STXBP5L: variants seen among roughly 807,000 people sequenced by gnomAD.
STXBP5L encodes the protein syntaxin-binding protein 5-like.
In STXBP5L, 65 loss-of-function variants were observed where a neutral mutation model predicts 144.5. The ratio of observed to expected loss-of-function variants is 0.45; its 90% CI spans 0.37 to 0.55. STXBP5L has a LOEUF of 0.55. Ranked by LOEUF, STXBP5L falls within the 20% of genes least tolerant of loss-of-function variation. The pLI is 0.00. For missense variants in STXBP5L, 1,298 were observed against 1,405.5 expected (o/e 0.92, Z 1.22); for synonymous variants, 505 against 469.6 (o/e 1.08, Z -0.97).
At chr3:120,990,382 C>T (rs1462855650) in intron 3 of STXBP5L, among the ~76,000 whole-genome samples, 5 of 152,054 alleles carry the variant, frequency 3.3e-5, no homozygotes, top group Non-Finnish European at 7.4e-5. Flanking sequence ...GCCATACTGC[C>T]CAAGGTAATT....
chr3:121,283,598 C>T (rs1218896953), intron 19 of STXBP5L, among the ~76,000 whole-genome samples: 2 of 151,950 alleles, frequency 1.3e-5, no homozygotes, highest in Non-Finnish European at 2.9e-5. Context: ...AACATAGTCC[C>T]AATCATTCAT....
chr3:121,284,385 T>C (rs957471974), intron 19 of STXBP5L, among the ~76,000 whole-genome samples: 2 of 152,074 alleles, frequency 1.3e-5, no homozygotes, highest in African/African-American at 4.8e-5. Flanking sequence ...ATCAGAGCCC[T>C]GTTGTGCCAA....
intron 10 of STXBP5L, among the ~76,000 whole-genome samples, chr3:121,219,374 A>G (rs2048905250): frequency 6.6e-6 from 1 of 152,138 alleles, no homozygotes; most frequent in African/African-American, 2.4e-5. Flanking sequence ...GAAGAGCTCT[A>G]CCATATAAGC....
chr3:120,995,464 GTTC>G (rs1559971247), intron 3 of STXBP5L, among the ~76,000 whole-genome samples: 2 of 151,968 alleles, frequency 1.3e-5, no homozygotes, highest in Admixed American at 1.3e-4. Context: ...TGTTTTTCTT[GTTC>G]TTCTGTTTCT....
At chr3:121,122,451 G>T (rs2044510117) in intron 7 of STXBP5L, among the ~76,000 whole-genome samples, 1 of 151,080 alleles carries the variant, frequency 6.6e-6, no homozygotes, top group African/African-American at 2.4e-5. Context: ...AATTTATTAA[G>T]AAAAGAAAAT....
chr3:121,108,914 G>A (rs1168760161), intron 5 of STXBP5L, among the ~76,000 whole-genome samples: 2 of 152,020 alleles, frequency 1.3e-5, no homozygotes, highest in African/African-American at 4.8e-5. Flanking sequence ...CTATTCAGGG[G>A]TTTAACTTCT....
intron 22 of STXBP5L, among the ~76,000 whole-genome samples, chr3:121,400,914 C>T (rs1050685020): frequency 1.2e-4 from 19 of 152,106 alleles, no homozygotes; most frequent in African/African-American, 4.1e-4. Flanking sequence ...AGTTAACTTT[C>T]CTTTACATAG....
chr3:120,977,374 CT>C (rs1376734025), intron 3 of STXBP5L, among the ~76,000 whole-genome samples: 1 of 151,948 alleles, frequency 6.6e-6, no homozygotes, highest in African/African-American at 2.4e-5. Context: ...CAACCCCTGC[CT>C]TTTTTTGTTT....
At chr3:121,142,720 T>C (rs544196255) in intron 7 of STXBP5L, among the ~76,000 whole-genome samples, 65 of 151,950 alleles carry the variant, frequency 4.3e-4, no homozygotes, top group Admixed American at 1.4e-3. Flanking sequence ...AAACACACTC[T>C]ACCAAAAATT....
intron 9 of STXBP5L, among the ~76,000 whole-genome samples, chr3:121,163,896 T>G (rs1341678699): frequency 6.6e-6 from 1 of 152,184 alleles, no homozygotes; most frequent in Non-Finnish European, 1.5e-5. Context: ...TGTTCTAAAT[T>G]TTCTGCTATA....
At chr3:121,059,489 G>GT (rs1031204639) in intron 5 of STXBP5L, among the ~76,000 whole-genome samples, 27 of 151,924 alleles carry the variant, frequency 1.8e-4, no homozygotes, top group African/African-American at 5.3e-4. Flanking sequence ...ATTTAAAGTA[G>GT]TTTTTTTTCT....
Position 121,424,129 on chromosome 3 carries a change from ATTC to A in STXBP5L, c.*5040_*5042del. The A allele has an allele frequency of 6.6e-6, 1 of 152,312 alleles. No individual in the cohort carries two copies. The highest frequency in any genetic ancestry group is 2.1e-4 in the South Asian group (1 of 4,828). The allele number at this position is 152,312 out of a possible 1,614,324, so 9.4% of individuals were successfully genotyped here. ...TAAATTAGGTCCAAATTTATTATTC[ATTC>A]TTCTTCTGGAGGAGACATGGGTACC... On this transcript the variant is annotated 3_prime_UTR_variant, in exon 27 of 27. Transcript: ENST00000471454.
intron 20 of STXBP5L, chr3:121,324,656 CT>C (rs1369396920): frequency 3.3e-6 from 2 of 613,518 alleles, no homozygotes; most frequent in African/African-American, 3.7e-5. Flanking sequence ...GGCTTCACAA[CT>C]TGTCTCAAAA....
At chr3:121,149,177 A>G (rs1301537454) in intron 7 of STXBP5L, among the ~76,000 whole-genome samples, 1 of 152,040 alleles carries the variant, frequency 6.6e-6, no homozygotes, top group Non-Finnish European at 1.5e-5. Context: ...TTTCATGGGT[A>G]TGTTTACTTC....
chr3:121,133,138 T>C (rs2045074403), intron 7 of STXBP5L, among the ~76,000 whole-genome samples: 1 of 152,172 alleles, frequency 6.6e-6, no homozygotes, highest in South Asian at 2.1e-4. Flanking sequence ...GAGAGGCTGA[T>C]GTCAGAGGAT....
intron 9 of STXBP5L, among the ~76,000 whole-genome samples, chr3:121,203,974 C>T (rs2048236955): frequency 6.6e-6 from 1 of 152,162 alleles, no homozygotes; most frequent in Admixed American, 6.5e-5. Flanking sequence ...CTTGGTGGCT[C>T]ATGCCTGTAA....
intron 20 of STXBP5L, among the ~76,000 whole-genome samples, chr3:121,331,629 GACC>G (rs2044323154): frequency 6.6e-6 from 1 of 152,096 alleles, no homozygotes; most frequent in African/African-American, 2.4e-5. Context: ...CTCCTGAAAA[GACC>G]ACAGTGCATT....
intron 3 of STXBP5L, among the ~76,000 whole-genome samples, chr3:120,986,547 G>A (rs1942303242): frequency 6.6e-6 from 1 of 152,014 alleles, no homozygotes; most frequent in South Asian, 2.1e-4. Context: ...TCTGTCATTA[G>A]ATAAGTAAAT....
At chr3:121,085,721 T>C (rs935285051) in intron 5 of STXBP5L, among the ~76,000 whole-genome samples, 3 of 152,200 alleles carry the variant, frequency 2.0e-5, no homozygotes, top group African/African-American at 7.2e-5. Flanking sequence ...ATAGGAAGGA[T>C]CAATATTATG....
Sources: gnomAD v4.1 joint callset for allele counts (sites outside exome capture counted in the v4.1 genomes callset) on GRCh38, gnomAD v4.1.1 for gene constraint, MANE v1.5 for transcripts, NCBI Gene and HGNC (gene_info 2026-07-23, HGNC 2026-07-21) for gene names.